The following GPR158 variants were observed in gnomAD, a reference collection of about 807,000 sequenced individuals.
GPR158 encodes the protein metabotropic glycine receptor.
GPR158 carries 30 observed loss-of-function variants against 78.2 expected under a neutral mutation model. The observed-to-expected ratio is 0.38, with a 90% CI of 0.29 to 0.52. GPR158 has a LOEUF of 0.52. Among genes scored for constraint, GPR158 ranks in the 20% least tolerant of loss-of-function variants. The pLI is 0.83. For synonymous variants in GPR158, 581 were observed against 591.1 expected (o/e 0.98, Z 0.25); for missense variants, 1,463 against 1,523.5 (o/e 0.96, Z 0.66).
At chr10:25,584,171 C>T (rs1837238629) in intron 7 of GPR158, among the ~76,000 whole-genome samples, 1 of 152,106 alleles carries the variant, frequency 6.6e-6, no homozygotes, top group African/African-American at 2.4e-5. Context: ...ATACTCATGC[C>T]TTTCATCAAA....
chr10:25,478,908 G>C (rs1835625995), intron 5 of GPR158, among the ~76,000 whole-genome samples: 1 of 147,304 alleles, frequency 6.8e-6, no homozygotes, highest in Non-Finnish European at 1.5e-5. Flanking sequence ...TGGTTTTTTT[G>C]TCATTGCGAT....
intron 7 of GPR158, among the ~76,000 whole-genome samples, chr10:25,577,134 A>G (rs1406093403): frequency 6.6e-6 from 1 of 151,974 alleles, no homozygotes; most frequent in Non-Finnish European, 1.5e-5. Flanking sequence ...TCAATATTTA[A>G]CCTCTTAATT....
At position 25,537,765 on chromosome 10, in the gene GPR158, A is replaced by G. The variant is rs1836519146; in HGVS notation, c.1405-13211A>G. Among the ~76,000 whole-genome samples the G allele has an allele frequency of 3.9e-5, 6 of 152,078 alleles. No individual in the cohort carries two copies. The South Asian group carries it at 1.2e-3, about 32-fold the overall frequency. Reference sequence around the variant, plus strand: ...GGTGGATTTCCCCCTTGCCATTCTCATGATAGTGAGTTCTCATAAGATCAG... The same window carrying G: ...GGTGGATTTCCCCCTTGCCATTCTCGTGATAGTGAGTTCTCATAAGATCAG... On this transcript the variant is annotated intron_variant, in intron 5 of 10. Transcript: ENST00000376351.
At chr10:25,345,441 T>C (rs1159384641) in intron 2 of GPR158, among the ~76,000 whole-genome samples, 1 of 151,986 alleles carries the variant, frequency 6.6e-6, no homozygotes, top group Non-Finnish European at 1.5e-5. Flanking sequence ...GATATCCATA[T>C]TTCTATTAAT....
chr10:25,495,454 G>A (rs549006688), intron 5 of GPR158, among the ~76,000 whole-genome samples: 19 of 151,438 alleles, frequency 1.3e-4, no homozygotes, highest in Admixed American at 5.9e-4. Flanking sequence ...CATCACGCCC[G>A]GCCAATTTTT....
chr10:25,426,014 T>C (rs188950551), intron 4 of GPR158, among the ~76,000 whole-genome samples: 18 of 152,288 alleles, frequency 1.2e-4, no homozygotes, highest in Admixed American at 2.6e-4. Context: ...TCTCTTTATC[T>C]GTGAAGGTAT....
At chr10:25,436,400 G>A (rs1295410978) in intron 4 of GPR158, among the ~76,000 whole-genome samples, 1 of 152,204 alleles carries the variant, frequency 6.6e-6, no homozygotes, top group Non-Finnish European at 1.5e-5. Flanking sequence ...AGGGTCATGA[G>A]CATTAAAACA....
chr10:25,344,683 A>T (rs1855349277), intron 2 of GPR158, among the ~76,000 whole-genome samples: 1 of 151,998 alleles, frequency 6.6e-6, no homozygotes, highest in African/African-American at 2.4e-5. Flanking sequence ...TATTCAAGTA[A>T]TGCAGCTGTA....
At chr10:25,232,634 A>G (rs566756946) in intron 2 of GPR158, among the ~76,000 whole-genome samples, 2 of 152,220 alleles carry the variant, frequency 1.3e-5, no homozygotes, top group African/African-American at 4.8e-5. Flanking sequence ...TCGATTCATC[A>G]TTGTTTTTCC....
chr10:25,550,969 C>T lies in GPR158; in HGVS notation c.1405-7C>T, dbSNP rs200440308. The stretch of plus-strand genomic sequence containing the variant: ...CCTGAAGGTCTCTTTCTGTTTTCAT[C>T]CCACAGGTTGTTATTTTGTACTTTG... On this transcript the variant is annotated splice_polypyrimidine_tract_variant and splice_region_variant and intron_variant, in intron 5 of 10. Transcript: ENST00000376351. 174 of 1,470,684 alleles carry T rather than the reference C, an allele frequency of 1.2e-4. No individual in the cohort carries two copies. The East Asian group carries it at 3.1e-3, about 26-fold the overall frequency. The allele number at this position is 1,470,684 out of a possible 1,614,324, so 91.1% of individuals were successfully genotyped here.
intron 2 of GPR158, among the ~76,000 whole-genome samples, chr10:25,316,887 TTGTGTGTG>T (rs35949163): frequency 3.1e-5 from 4 of 127,200 alleles, no homozygotes; most frequent in African/African-American, 1.1e-4. Flanking sequence ...ATGTATGTAT[TTGTGTGTG>T]TGTGTGTGTG....
chr10:25,396,403 A>C (rs1324452491), intron 3 of GPR158, among the ~76,000 whole-genome samples: 1 of 152,162 alleles, frequency 6.6e-6, no homozygotes, highest in Non-Finnish European at 1.5e-5. Flanking sequence ...CCATAAAGTG[A>C]GCAGCTTAAA....
intron 4 of GPR158, among the ~76,000 whole-genome samples, chr10:25,454,536 C>T (rs1191534521): frequency 6.6e-6 from 1 of 152,044 alleles, no homozygotes; most frequent in African/African-American, 2.4e-5. Context: ...TGACACGAAG[C>T]TATTAGTTGT....
chr10:25,189,436 C>G (rs543828750), intron 1 of GPR158, among the ~76,000 whole-genome samples: 79 of 152,240 alleles, frequency 5.2e-4, no homozygotes, highest in African/African-American at 1.8e-3. Flanking sequence ...CACATATACA[C>G]CATGGAATAC....
intron 5 of GPR158, among the ~76,000 whole-genome samples, chr10:25,519,749 A>G (rs1251726362): frequency 9.2e-6 from 1 of 109,046 alleles, no homozygotes; most frequent in Non-Finnish European, 1.8e-5. Flanking sequence ...ATCCGCTGTT[A>G]GTCTGATGGG....
chr10:25,379,061 G>T (rs1260112385), intron 2 of GPR158, among the ~76,000 whole-genome samples: 2 of 151,862 alleles, frequency 1.3e-5, no homozygotes, highest in African/African-American at 4.8e-5. Context: ...AAAATGCTGG[G>T]ATTACAGGCA....
chr10:25,250,768 G>C (rs1296288725), intron 2 of GPR158, among the ~76,000 whole-genome samples: 1 of 142,412 alleles, frequency 7.0e-6, no homozygotes, highest in Non-Finnish European at 1.5e-5. Flanking sequence ...GTGGTGTGGT[G>C]CTGAAAAAAA....
At chr10:25,475,246 A>G (rs1050490205) in intron 5 of GPR158, among the ~76,000 whole-genome samples, 1 of 152,162 alleles carries the variant, frequency 6.6e-6, no homozygotes, top group African/African-American at 2.4e-5. Context: ...CTTCATGATA[A>G]TTCTAATATG....
chr10:25,378,322 T>C (rs1834111124), intron 2 of GPR158, among the ~76,000 whole-genome samples: 1 of 152,128 alleles, frequency 6.6e-6, no homozygotes, highest in African/African-American at 2.4e-5. Flanking sequence ...GTAACCATAT[T>C]TCATATAAAC....
Sources: allele counts gnomAD v4.1 joint callset (sites outside exome capture counted in the v4.1 genomes callset), GRCh38; gene constraint gnomAD v4.1.1; transcripts MANE v1.5; gene names NCBI Gene and HGNC (gene_info 2026-07-23, HGNC 2026-07-21).